The following SLC12A4 variants were observed in gnomAD, a reference collection of about 807,000 sequenced individuals.
The protein encoded by SLC12A4 is solute carrier family 12 member 4.
A neutral mutation model predicts 119.2 loss-of-function variants in SLC12A4; 84 were observed. That is an observed-to-expected ratio of 0.70 (90% confidence interval 0.59 to 0.85). The LOEUF (loss-of-function observed/expected upper bound fraction) is 0.85, where lower values mean the gene tolerates loss of function less well. Ranked by LOEUF, SLC12A4 falls within the 40% of genes least tolerant of loss-of-function variation. The probability of loss-of-function intolerance (pLI) is 0.00; values close to 1 mark genes in which losing one functional copy is unlikely to be tolerated. For synonymous variants in SLC12A4, 599 were observed against 604.6 expected (o/e 0.99, Z 0.14); for missense variants, 1,298 against 1,476.3 (o/e 0.88, Z 1.98).
At chr16:67,952,526 G>A (rs1424592699) in intron 6 of SLC12A4, 101 bp from the exon 7 acceptor site, 18 of 1,340,088 alleles carry the variant, frequency 1.3e-5, no homozygotes, top group Admixed American at 5.3e-5. Context: ...GAGGCCGGGC[G>A]CAGTGGCTCA....
chr16:67,944,592 C>G lies in SLC12A4; in HGVS notation c.*248G>C, dbSNP rs572225766. ...TCGGCCCCTACCAGTCTTCTCTGGC[C>G]AGGACAGGCCTACTGGGGTGCTAGA... On this transcript the variant is annotated 3_prime_UTR_variant, in exon 24 of 24. Transcript: ENST00000316341. The surrounding 1 kb of genome is among the most constrained non-coding windows in gnomAD (Gnocchi z 6.6). 7.4e-7 allele frequency: 1 copy of G among 1,356,456 alleles called. No homozygotes were observed. The highest frequency in any genetic ancestry group is 1.5e-5 in the African/African-American group (1 of 68,534). 84.0% of individuals were successfully genotyped at this position (1,356,456 alleles called of 1,614,324 possible). A position where few individuals can be genotyped will look rare whatever the true frequency, so the allele number is the denominator to read the frequency against.
Position 67,947,385 on chromosome 16 carries a change from G to C in SLC12A4, c.2018C>G (p.Ala673Gly). The C allele has an allele frequency of 6.2e-7, 1 of 1,612,898 alleles. No homozygotes were observed. The change falls in exon 16 of 24, where the codon GCC becomes GGC. Residue 673 changes from alanine to glycine, a missense_variant. By Grantham distance (60) the Ala-to-Gly change is moderately conservative. Transcript: ENST00000316341. ...DGIRGLSLSA[A>G]RYALLRLEEG... is the part of the protein sequence containing the mutation. ...CTCCAGCCGCAACAGCGCGTAGCGG[G>C]CAGCGCTCAGGGACAGGCCTCGGAT...
Position 67,968,522 on chromosome 16 carries a change from C to T in SLC12A4, c.32G>A (p.Gly11Glu). The T allele has an allele frequency of 1.3e-6, 2 of 1,582,024 alleles. No individual in the cohort carries two copies. The highest frequency in any genetic ancestry group is 1.7e-6 in the Non-Finnish European group (2 of 1,169,114). ...GTTGTCATAGTCGCCGCGCCTCGGC[C>T]CGTCCACTGGCACCACGGTGAAGTG... The part of the protein sequence containing the change: MPHFTVVPVD[G>E]PRRGDYDNLE... Residue 11 changes from glycine (G) to glutamate (E), a missense_variant, in exon 1 of 24, where the codon GGG becomes GAG. Coordinates refer to ENST00000316341, the MANE Select transcript of SLC12A4 (RefSeq NM_005072.5).
intron 1 of SLC12A4, among the ~76,000 whole-genome samples, chr16:67,964,794 A>T (rs2030786830): frequency 6.6e-6 from 1 of 152,206 alleles, no homozygotes; most frequent in East Asian, 1.9e-4. Flanking sequence ...ACTGCAGCTG[A>T]GAATGCTGAT....
chr16:67,958,237 A>C (rs554520274), intron 3 of SLC12A4, among the ~76,000 whole-genome samples, 193 bp from the exon 4 acceptor site: 78 of 152,152 alleles, frequency 5.1e-4, no homozygotes, highest in Non-Finnish European at 9.9e-4. Flanking sequence ...GTAAAACCTG[A>C]TTCTTTTTAA....
chr16:67,967,022 G>A, intron 1 of SLC12A4: 1 of 767,124 alleles, frequency 1.3e-6, no homozygotes, highest in African/African-American at 1.8e-5. Flanking sequence ...TCTGGGGAGA[G>A]AGGTCCTCCC....
rs1474757070 is a variant in SLC12A4 at position 67,944,224 on chromosome 16, A to G, written c.*616T>C. ...TGGCCAGTGGGGGTTGTGGCCAGAGATTGCCGGAAAGGGGCACAGCCTCAG... is the reference window on the plus strand; with the variant it reads ...TGGCCAGTGGGGGTTGTGGCCAGAGGTTGCCGGAAAGGGGCACAGCCTCAG... On this transcript the variant is annotated 3_prime_UTR_variant, in exon 24 of 24. Coordinates refer to ENST00000316341, the MANE Select transcript of SLC12A4 (RefSeq NM_005072.5). This position sits in a 1 kb window ranked among gnomAD's most constrained non-coding sequence, Gnocchi z 6.6. The G allele has an allele frequency of 1.4e-6, 2 of 1,450,852 alleles. No individual in the cohort carries two copies. The highest frequency in any genetic ancestry group is 4.9e-5 in the Admixed American group (2 of 40,992). 89.9% of individuals were successfully genotyped at this position (1,450,852 alleles called of 1,614,324 possible).
At chr16:67,959,092 G>C (rs2030428231) in intron 3 of SLC12A4, among the ~76,000 whole-genome samples, 1 of 152,308 alleles carries the variant, frequency 6.6e-6, no homozygotes, top group South Asian at 2.1e-4. Flanking sequence ...ACATCCTGTT[G>C]GGAAAATCCT....
intron 5 of SLC12A4, among the ~76,000 whole-genome samples, chr16:67,957,371 G>A (rs748259349): frequency 2.0e-4 from 30 of 152,024 alleles, no homozygotes; most frequent in Admixed American, 4.6e-4. Context: ...GGGTTTCACC[G>A]TGTTGGCCAG....
At chr16:67,962,090 G>A (rs1195999373) in intron 2 of SLC12A4, among the ~76,000 whole-genome samples, 3 of 152,080 alleles carry the variant, frequency 2.0e-5, no homozygotes, top group Admixed American at 6.5e-5. Context: ...TAGGACTCAC[G>A]CCTACCCTCC....
rs937690964 is a variant in SLC12A4, at chr16:67,961,698, C to T, written c.219G>A (p.Leu73=). ...GAGACGATACCTTTGGGCGGATGTC[C>T]AGCTCTTCCTGCAAACAGAGCCACA... The part of the protein sequence containing the change: ...DRNLALFEEE[L]DIRPKVSSLL... Residue 73 remains leucine (L), a synonymous_variant, in exon 3 of 24, where the codon CTG becomes CTA. Transcript: ENST00000316341. 1.2e-6 allele frequency: 2 copies of T among 1,614,118 alleles called. No homozygotes were observed. The highest frequency in any genetic ancestry group is 4.5e-5 in the East Asian group (2 of 44,888).
In SLC12A4 at chr16:67,945,857, G is replaced by T. The variant is rs2058338784; in HGVS notation, c.2754C>A (p.Ile918=). The T allele has an allele frequency of 6.2e-7, 1 of 1,613,948 alleles. No individual in the cohort carries two copies. The highest frequency in any genetic ancestry group is 8.5e-7 in the Non-Finnish European group (1 of 1,180,050). Reference sequence around the variant, plus strand: ...GCGTCCGCTCGTAGGTGTATGCAGAGATGTCACTGTTATGCTGGGGACAGG... The same window carrying T: ...GCGTCCGCTCGTAGGTGTATGCAGATATGTCACTGTTATGCTGGGGACAGG... ...VEVVEMHNSD[I]SAYTYERTLM... The change falls in exon 21 of 24, where the codon ATC becomes ATA. Residue 918 remains isoleucine (I), a synonymous_variant. Transcript: ENST00000316341.
In SLC12A4 at chr16:67,951,287, A is replaced by G; in HGVS notation, c.1150T>C (p.Tyr384His). 6.2e-7 allele frequency: 1 copy of G among 1,613,716 alleles called. No individual in the cohort carries two copies. Among genetic ancestry groups the G allele is most frequent in the South Asian group, 1.1e-5 (1 of 91,042 alleles). ...TCCACGATGTCACCCTTCTCCAGGT[A>G]GGCGCTCCACAGGTTTTCTGCAGGG... is the stretch of plus-strand genomic sequence containing the variant. The part of the protein sequence containing the change: ...GVLQENLWSA[Y>H]LEKGDIVEKH... The change falls in exon 9 of 24, where the codon TAC (tyrosine) becomes CAC (histidine). Residue 384 changes from tyrosine to histidine, a missense_variant. Tyr to His is a moderately conservative substitution (Grantham distance 83, BLOSUM62 2). Coordinates refer to ENST00000316341, the MANE Select transcript of SLC12A4 (RefSeq NM_005072.5). This position sits in a 1 kb window ranked among gnomAD's most constrained non-coding sequence, Gnocchi z 5.2.
chr16:67,951,402 G>A lies in SLC12A4; in HGVS notation c.1133-98C>T. On this transcript the variant is annotated intron_variant, in intron 8 of 23. Coordinates refer to ENST00000316341, the MANE Select transcript of SLC12A4 (RefSeq NM_005072.5). The surrounding 1 kb of genome is among the most constrained non-coding windows in gnomAD (Gnocchi z 5.2). The stretch of plus-strand genomic sequence containing the variant: ...GGCGCAGATGCAGGGCAACTTTGGG[G>A]ACTCAGGGAACAGCTTCAGCCCAAT... 7.2e-7 allele frequency: 1 copy of A among 1,387,502 alleles called. No homozygotes were observed. The highest frequency in any genetic ancestry group is 9.8e-7 in the Non-Finnish European group (1 of 1,020,334). 85.9% of individuals were successfully genotyped at this position (1,387,502 alleles called of 1,614,324 possible).
At position 67,951,600 on chromosome 16, in the gene SLC12A4, T is replaced by G. The variant is rs1598217328; in HGVS notation, c.1132+223A>C. 1.6e-6 allele frequency: 1 copy of G among 611,210 alleles called. No individual in the cohort carries two copies. Among genetic ancestry groups the G allele is most frequent in the Non-Finnish European group, 2.9e-6 (1 of 347,826 alleles). 37.9% of individuals were successfully genotyped at this position (611,210 alleles called of 1,614,324 possible). On this transcript the variant is annotated intron_variant, in intron 8 of 23. Transcript: ENST00000316341. The surrounding 1 kb of genome is among the most constrained non-coding windows in gnomAD (Gnocchi z 5.2). ...ATCCCCAGGCAGTGTCAGGGGCTGG[T>G]GGCTGGGGAAGACAGGCTGCTGCAG... is the stretch of plus-strand genomic sequence containing the variant.
At chr16:67,955,756 G>A (rs1012777450) in intron 5 of SLC12A4, among the ~76,000 whole-genome samples, 2 of 152,036 alleles carry the variant, frequency 1.3e-5, no homozygotes, top group African/African-American at 4.8e-5. Flanking sequence ...GTGTGCACCT[G>A]TAGTCCCAGC....
In SLC12A4 at chr16:67,952,027, G is replaced by T; in HGVS notation, c.928C>A (p.Leu310Met). The change falls in exon 8 of 24, where the codon CTG (leucine) becomes ATG (methionine). Residue 310 changes from leucine (L) to methionine (M), a missense_variant. Physicochemically the swap from Leu to Met is conservative, Grantham distance 15. Transcript: ENST00000316341. ...FDPPVFPVCM[L>M]GNRTLSRDQF... ...TCCCGGGACAGGGTCCTGTTGCCCA[G>T]CATGCATACCCTGTGAGGGACAGAA... 1 of 1,613,860 alleles carries T rather than the reference G, an allele frequency of 6.2e-7. No individual in the cohort carries two copies. Among genetic ancestry groups the T allele is most frequent in the South Asian group, 1.1e-5 (1 of 91,074 alleles).
intron 17 of SLC12A4, 85 bp from the exon 18 acceptor site, chr16:67,946,718 G>A (rs2058355033): frequency 3.4e-6 from 5 of 1,478,560 alleles, no homozygotes; most frequent in Non-Finnish European, 3.7e-6. Flanking sequence ...GGAACAAAAC[G>A]ACTTTTGGGT....
rs1345808206 is a variant in SLC12A4 at position 67,954,767 on chromosome 16, C to T, written c.551G>A (p.Gly184Asp). 2 of 1,613,968 alleles carry T rather than the reference C, an allele frequency of 1.2e-6. No individual in the cohort carries two copies. Among genetic ancestry groups the T allele is most frequent in the African/African-American group, 1.3e-5 (1 of 74,914 alleles). The change falls in exon 6 of 24, where the codon GGC becomes GAC. Residue 184 changes from glycine (G) to aspartate (D), a missense_variant. By Grantham distance (94) the Gly-to-Asp change is moderately conservative (BLOSUM62 -1). Coordinates refer to ENST00000316341, the MANE Select transcript of SLC12A4 (RefSeq NM_005072.5). ...TGAACGAGAGATCATGAAATAGGAG[C>T]CCCCAGCTACAGCAGAGAAATGAAA... ...IATNGVVPAGGSYFMISRSLG... is the reference protein window; with the variant it reads ...IATNGVVPAGDSYFMISRSLG...
Sources: gnomAD v4.1 joint callset for allele counts (sites outside exome capture counted in the v4.1 genomes callset) on GRCh38, gnomAD v4.1.1 for gene constraint, Gnocchi (gnomAD v3.1) non-coding constraint, MANE v1.5 for transcripts, NCBI Gene and HGNC (gene_info 2026-07-23, HGNC 2026-07-21) for gene names.